BANP: variants seen among roughly 807,000 people sequenced by gnomAD.
BANP encodes the protein BTG3 associated nuclear protein.
Under a neutral mutation model 68.1 loss-of-function variants are expected in BANP, and 11 were observed. The ratio of observed to expected loss-of-function variants is 0.16; its 90% CI spans 0.10 to 0.27. BANP has a LOEUF of 0.27. Ranked by LOEUF, BANP falls within the 10% of genes least tolerant of loss-of-function variation. The probability of loss-of-function intolerance (pLI) is 1.00; values close to 1 mark genes in which losing one functional copy is unlikely to be tolerated. For missense variants in BANP, 504 were observed against 722.7 expected, an observed-to-expected ratio of 0.70 and a Z score of 3.47; for synonymous variants, 329 against 303.2, an observed-to-expected ratio of 1.09 and a Z score of -0.88.
At chr16:87,996,139 G>A (rs745799346) in intron 4 of BANP, among the ~76,000 whole-genome samples, 18 of 152,204 alleles carry the variant, frequency 1.2e-4, no homozygotes, top group Non-Finnish European at 1.6e-4. Context: ...AGGCAGAGGT[G>A]TGTGTCCAGC....
At chr16:88,044,303 A>G (rs1015600818) in intron 11 of BANP, among the ~76,000 whole-genome samples, 1 of 152,202 alleles carries the variant, frequency 6.6e-6, no homozygotes, top group African/African-American at 2.4e-5. Context: ...GCATGTGCAC[A>G]CACACAGTCG....
chr16:88,023,230 G>T, intron 7 of BANP, among the ~76,000 whole-genome samples: 1 of 152,190 alleles, frequency 6.6e-6, no homozygotes, highest in African/African-American at 2.4e-5. Context: ...CTTCTCAGCA[G>T]GTCACCCAGA....
chr16:87,959,400 GT>G (rs1278041987), intron 1 of BANP, among the ~76,000 whole-genome samples: 1 of 152,278 alleles, frequency 6.6e-6, no homozygotes, highest in African/African-American at 2.4e-5. Context: ...GACCTAGAGT[GT>G]GTTTGCCCTG....
At chr16:87,959,206 GC>G (rs1430592139) in intron 1 of BANP, among the ~76,000 whole-genome samples, 10 of 152,344 alleles carry the variant, frequency 6.6e-5, no homozygotes, top group African/African-American at 2.2e-4. Flanking sequence ...CTGCTGTTGG[GC>G]TGAGAAGCAG....
intron 11 of BANP, among the ~76,000 whole-genome samples, chr16:88,051,124 C>T (rs1302850335): frequency 6.6e-6 from 1 of 152,234 alleles, no homozygotes; most frequent in Non-Finnish European, 1.5e-5. Flanking sequence ...ACCGCAGCAC[C>T]CGGGTCCCTC....
At chr16:88,024,386 G>C (rs1396477532) in intron 7 of BANP, among the ~76,000 whole-genome samples, 1 of 151,996 alleles carries the variant, frequency 6.6e-6, no homozygotes, top group East Asian at 1.9e-4. Context: ...TACTTCATGA[G>C]GCTTTTAAAA....
At chr16:87,973,641 C>T (rs1224282613) in intron 1 of BANP, among the ~76,000 whole-genome samples, 1 of 151,720 alleles carries the variant, frequency 6.6e-6, no homozygotes, top group Non-Finnish European at 1.5e-5. Flanking sequence ...TGCCTGTAAT[C>T]CCAGCTACTC....
chr16:87,989,950 A>G (rs34759388), intron 4 of BANP, among the ~76,000 whole-genome samples: 80,243 of 116,112 alleles, frequency 0.69, 27,194 homozygotes, highest in African/African-American at 0.78. Context: ...GGCGGGCGAC[A>G]GGGGATGCAG....
chr16:88,072,019 T>C (rs2090469807), intron 12 of BANP, 50 bp from the exon 13 acceptor site: 1 of 1,540,432 alleles, frequency 6.5e-7, no homozygotes, highest in African/African-American at 1.4e-5. Context: ...GGTTGTGGGT[T>C]GTGGGTTGTG....
chr16:88,006,947 CAAAAAAAA>C (rs11349895), intron 6 of BANP, among the ~76,000 whole-genome samples: 1 of 81,664 alleles, frequency 1.2e-5, no homozygotes, highest in South Asian at 4.6e-4. Context: ...GACTCTGTCT[CAAAAAAAA>C]AAAAAAAAAA....
rs1479558287 is a variant in BANP at position 88,004,738 on chromosome 16, A to T, written c.479+327A>T. On this transcript the variant is annotated intron_variant, in intron 5 of 13. Transcript: ENST00000682872. This position sits in a 1 kb window ranked among gnomAD's most constrained non-coding sequence, Gnocchi z 7.0. ...CCTCCCACCTAGCTCAGTGGTCCTC[A>T]CGTCTGTCTGTGCAGAGCGTGTCAG... is the stretch of plus-strand genomic sequence containing the variant. Among the ~76,000 whole-genome samples the T allele has an allele frequency of 1.3e-5, 2 of 152,190 alleles. No homozygotes were observed. The highest frequency in any genetic ancestry group is 2.4e-5 in the African/African-American group (1 of 41,464).
chr16:88,041,784 G>A (rs941599667), intron 11 of BANP, among the ~76,000 whole-genome samples: 21 of 152,244 alleles, frequency 1.4e-4, no homozygotes, highest in African/African-American at 4.8e-4. Flanking sequence ...CTCTGGGAGG[G>A]CTCCCCTGGC....
chr16:88,008,791 C>T (rs900700318), intron 6 of BANP, among the ~76,000 whole-genome samples: 2 of 152,198 alleles, frequency 1.3e-5, no homozygotes, highest in African/African-American at 4.8e-5. Flanking sequence ...TGCTGTACAA[C>T]ACAGGTTGTT....
At chr16:87,983,563 A>C (rs1471791561) in intron 3 of BANP, among the ~76,000 whole-genome samples, 4 of 152,032 alleles carry the variant, frequency 2.6e-5, no homozygotes, top group Admixed American at 6.5e-5. Context: ...CTTGCCGCTC[A>C]AGAGCCCCAC....
At chr16:87,997,256 G>C (rs887281245) in intron 4 of BANP, among the ~76,000 whole-genome samples, 6 of 152,234 alleles carry the variant, frequency 3.9e-5, no homozygotes, top group Non-Finnish European at 8.8e-5. Context: ...ACCGCACCTG[G>C]CTGAAGAGGT....
In BANP at chr16:88,058,260, G is replaced by T. The variant is rs2085670978; in HGVS notation, c.1312-7007G>T. Reference sequence around the variant, plus strand: ...GAAACTGAAGGACAGTGCGAACAAAGATCCCTTTCTTCCTCAAATGGGAGC... The same window carrying T: ...GAAACTGAAGGACAGTGCGAACAAATATCCCTTTCTTCCTCAAATGGGAGC... On this transcript the variant is annotated intron_variant, in intron 11 of 13. Coordinates refer to ENST00000682872, the MANE Select transcript of BANP (RefSeq NM_001386991.1). Among the ~76,000 whole-genome samples the T allele has an allele frequency of 2.6e-5, 4 of 152,194 alleles. No individual in the cohort carries two copies. In the South Asian group the frequency reaches 8.3e-4, roughly 31 times the overall value.
chr16:88,027,446 C>G, intron 7 of BANP, 37 bp from the exon 8 acceptor site: 1 of 1,610,952 alleles, frequency 6.2e-7, no homozygotes, highest in Non-Finnish European at 8.5e-7. Flanking sequence ...CTGTCCCGAA[C>G]AGGCCTCACC....
chr16:87,992,836 GTTGT>G (rs1307034782), intron 4 of BANP, among the ~76,000 whole-genome samples: 2 of 151,890 alleles, frequency 1.3e-5, no homozygotes, highest in African/African-American at 4.8e-5. Flanking sequence ...TTGAGTTAGT[GTTGT>G]TTGTGTCTCT....
At chr16:88,069,446 G>C (rs368870198) in intron 12 of BANP, among the ~76,000 whole-genome samples, 1 of 152,198 alleles carries the variant, frequency 6.6e-6, no homozygotes, top group Admixed American at 6.5e-5. Flanking sequence ...TCCCCTCACA[G>C]AGTCCCCGCC....
Sources: allele counts gnomAD v4.1 joint callset (sites outside exome capture counted in the v4.1 genomes callset), GRCh38; gene constraint gnomAD v4.1.1; non-coding constraint Gnocchi (gnomAD v3.1); transcripts MANE v1.5; gene names NCBI Gene and HGNC (gene_info 2026-07-23, HGNC 2026-07-21).